The following CSMD3 variants were observed in gnomAD, a reference collection of about 807,000 sequenced individuals.
The protein encoded by CSMD3 is CUB and sushi domain-containing protein 3.
A neutral mutation model predicts 435.2 loss-of-function variants in CSMD3; 177 were observed. The ratio of observed to expected loss-of-function variants is 0.41; its 90% CI spans 0.36 to 0.46. CSMD3 has a LOEUF of 0.46. Among genes scored for constraint, CSMD3 ranks in the 20% least tolerant of loss-of-function variants. CSMD3 has a pLI of 0.34. For missense variants in CSMD3, 4,265 were observed against 4,504.6 expected (o/e 0.95, Z 1.52); for synonymous variants, 1,656 against 1,520.5 (o/e 1.09, Z -2.07).
At chr8:112,663,144 C>G (rs964815087) in intron 17 of CSMD3, among the ~76,000 whole-genome samples, 4 of 152,000 alleles carry the variant, frequency 2.6e-5, no homozygotes, top group African/African-American at 9.7e-5. Context: ...GGGTATATAC[C>G]CAAAGGATTA....
At chr8:113,335,687 A>G (rs2132809262) in intron 1 of CSMD3, among the ~76,000 whole-genome samples, 1 of 151,952 alleles carries the variant, frequency 6.6e-6, no homozygotes, top group African/African-American at 2.4e-5. Context: ...TGTTGTGAGT[A>G]AAGTGTTCTA....
intron 32 of CSMD3, among the ~76,000 whole-genome samples, chr8:112,422,332 T>C (rs1356010313): frequency 6.6e-6 from 1 of 152,176 alleles, no homozygotes; most frequent in South Asian, 2.1e-4. Flanking sequence ...ATCTTAAAAA[T>C]ACACACATCA....
At chr8:112,236,118 A>C (rs1022588563) in intron 67 of CSMD3, among the ~76,000 whole-genome samples, 8 of 152,052 alleles carry the variant, frequency 5.3e-5, no homozygotes, top group African/African-American at 1.9e-4. Context: ...TTAACGGAGG[A>C]TCATTCAATA....
intron 34 of CSMD3, 145 bp downstream of exon 34, chr8:112,408,173 A>G (rs1832025107): frequency 1.2e-5 from 8 of 667,882 alleles, no homozygotes; most frequent in Non-Finnish European, 2.2e-5. Context: ...TCAAGGTGAC[A>G]GTGATCTAGT....
rs7015003 is a variant in CSMD3 at position 112,435,608 on chromosome 8, T to C, written c.5396-26576A>G. Among the ~76,000 whole-genome samples, 109 of 151,930 alleles carry C rather than the reference T, an allele frequency of 7.2e-4. 1 individual carries two copies. Among genetic ancestry groups the C allele is most frequent in the African/African-American group, 2.5e-3 (104 of 41,478 alleles). On this transcript the variant is annotated intron_variant, in intron 32 of 70. Coordinates refer to ENST00000297405, the MANE Select transcript of CSMD3 (RefSeq NM_198123.2). ...ACCCAGGCTCTGGAAACTAATGAACTTGGGTATGATGCAATAACTTAAAAT... is the reference window on the plus strand; with the variant it reads ...ACCCAGGCTCTGGAAACTAATGAACCTGGGTATGATGCAATAACTTAAAAT...
intron 4 of CSMD3, among the ~76,000 whole-genome samples, chr8:113,167,199 G>A (rs935945895): frequency 6.6e-6 from 1 of 151,896 alleles, no homozygotes; most frequent in African/African-American, 2.4e-5. Flanking sequence ...TTTTAAATAC[G>A]ATAAATACAA....
chr8:112,965,562 T>G (rs2130884371), intron 7 of CSMD3, among the ~76,000 whole-genome samples: 1 of 152,050 alleles, frequency 6.6e-6, no homozygotes, highest in African/African-American at 2.4e-5. Context: ...TACATAGGAC[T>G]AACTCAAAAG....
intron 20 of CSMD3, among the ~76,000 whole-genome samples, chr8:112,642,215 T>C (rs2074850397): frequency 6.6e-6 from 1 of 152,132 alleles, no homozygotes. Flanking sequence ...TGTAAAGTAA[T>C]AGGTGTGGAC....
chr8:112,587,253 T>C lies in CSMD3; in HGVS notation c.3716-18A>G, dbSNP rs1419216460. 6.3e-7 allele frequency: 1 copy of C among 1,587,778 alleles called. No homozygotes were observed. Among genetic ancestry groups the C allele is most frequent in the Non-Finnish European group, 8.6e-7 (1 of 1,157,796 alleles). ...ACATTCAGCTGCAGGTAAAACAGAA[T>C]ATTGAAGTACAGTTTAATAGATAGC... On this transcript the variant is annotated intron_variant, in intron 22 of 70. Transcript: ENST00000297405.
intron 13 of CSMD3, among the ~76,000 whole-genome samples, chr8:112,789,535 CTTATA>C (rs946647088): frequency 1.3e-5 from 2 of 151,770 alleles, no homozygotes; most frequent in African/African-American, 4.8e-5. Context: ...GTGTAACATG[CTTATA>C]TTATGTTAGT....
Position 112,224,323 on chromosome 8 carries a change from T to G in CSMD3, c.*448A>C. On this transcript the variant is annotated 3_prime_UTR_variant, in exon 71 of 71. Coordinates refer to ENST00000297405, the MANE Select transcript of CSMD3 (RefSeq NM_198123.2). ...CAGATAGAGTGGTATGAAAGACAGA[T>G]TTGTGGGCGTGATGTAGCTCAGGAC... The G allele has an allele frequency of 5.9e-6, 1 of 169,690 alleles. No individual in the cohort carries two copies. Among genetic ancestry groups the G allele is most frequent in the Non-Finnish European group, 1.3e-5 (1 of 77,316 alleles). The allele number at this position is 169,690 out of a possible 1,614,324, so 10.5% of individuals were successfully genotyped here.
intron 5 of CSMD3, among the ~76,000 whole-genome samples, chr8:113,055,506 G>A (rs1333205240): frequency 6.6e-6 from 1 of 152,086 alleles, no homozygotes; most frequent in African/African-American, 2.4e-5. Context: ...ATCTCAACAA[G>A]TCCCCAAGCT....
At chr8:113,399,106 T>TATATATACACACACAC (rs773585004) in intron 1 of CSMD3, among the ~76,000 whole-genome samples, 126 of 95,054 alleles carry the variant, frequency 1.3e-3, no homozygotes, top group African/African-American at 5.5e-3. Context: ...TATATATATA[T>TATATATACACACACAC]ACACACACAC....
chr8:112,783,329 C>T (rs927281327), intron 13 of CSMD3, among the ~76,000 whole-genome samples: 1 of 138,448 alleles, frequency 7.2e-6, no homozygotes, highest in African/African-American at 2.7e-5. Context: ...AACAGATACA[C>T]AAAAAAATAG....
chr8:113,168,574 TA>T (rs1159575887), intron 4 of CSMD3, among the ~76,000 whole-genome samples: 1 of 116,620 alleles, frequency 8.6e-6, no homozygotes, highest in Non-Finnish European at 1.8e-5. Context: ...CAAAAAATGC[TA>T]AAAAATAATC....
intron 3 of CSMD3, among the ~76,000 whole-genome samples, chr8:113,277,345 C>A (rs1196145956): frequency 1.3e-5 from 2 of 152,040 alleles, no homozygotes; most frequent in East Asian, 3.9e-4. Flanking sequence ...CCTTGCTACA[C>A]AAAAGACAGT....
Position 112,619,337 on chromosome 8 carries a change from T to C in CSMD3, c.3715+17480A>G, listed in dbSNP as rs1336806976. On this transcript the variant is annotated intron_variant, in intron 22 of 70. Transcript: ENST00000297405. ...TTGCAGTCATCTAGTAGCTGCCTCA[T>C]ACCTTGACAGGATTTAAGCTCCAGG... Among the ~76,000 whole-genome samples the C allele has an allele frequency of 2.6e-5, 4 of 151,882 alleles. No homozygotes were observed. The East Asian group carries it at 5.8e-4, about 22-fold the overall frequency.
At chr8:112,963,659 T>C (rs2084315164) in intron 7 of CSMD3, among the ~76,000 whole-genome samples, 1 of 151,926 alleles carries the variant, frequency 6.6e-6, no homozygotes, top group Non-Finnish European at 1.5e-5. Flanking sequence ...ATAGAGTAGA[T>C]AAACAAAATT....
At chr8:112,226,705 C>T (rs769020118) in intron 70 of CSMD3, among the ~76,000 whole-genome samples, 1 of 152,108 alleles carries the variant, frequency 6.6e-6, no homozygotes, top group Non-Finnish European at 1.5e-5. Flanking sequence ...CTCTTACAAC[C>T]AAATAAGACA....
Sources: allele counts gnomAD v4.1 joint callset (sites outside exome capture counted in the v4.1 genomes callset), GRCh38; gene constraint gnomAD v4.1.1; transcripts MANE v1.5; gene names NCBI Gene and HGNC (gene_info 2026-07-23, HGNC 2026-07-21).